The following GNG4 variants were observed in gnomAD, a reference collection of about 807,000 sequenced individuals.
GNG4 encodes the protein G protein subunit gamma 4.
GNG4 carries 4 observed loss-of-function variants against 5.8 expected under a neutral mutation model. The observed-to-expected ratio is 0.69, with a 90% confidence interval of 0.34 to 1.57. The LOEUF (loss-of-function observed/expected upper bound fraction) is 1.57, where lower values mean the gene tolerates loss of function less well. GNG4 is among the 40% of genes most tolerant of loss of function. GNG4 has a pLI of 0.06. For missense variants in GNG4, 96 were observed against 95.1 expected (o/e 1.01, Z -0.04); for synonymous variants, 29 against 32.9 (o/e 0.88, Z 0.41).
intron 3 of GNG4, among the ~76,000 whole-genome samples, chr1:235,562,339 CAAGAT>C (rs1184553305): frequency 6.6e-6 from 1 of 152,050 alleles, no homozygotes; most frequent in Non-Finnish European, 1.5e-5. Flanking sequence ...TCAATATCCA[CAAGAT>C]AAGATTTGCT....
At chr1:235,639,305 T>C (rs186376218) in intron 1 of GNG4, among the ~76,000 whole-genome samples, 176 of 152,348 alleles carry the variant, frequency 1.2e-3, no homozygotes, top group Non-Finnish European at 1.4e-3. Flanking sequence ...AAGTAGTTCA[T>C]ACAACATAAG....
intron 1 of GNG4, among the ~76,000 whole-genome samples, chr1:235,608,778 A>G (rs1571911306): frequency 6.6e-6 from 1 of 150,452 alleles, no homozygotes; most frequent in East Asian, 2.0e-4. Flanking sequence ...CCGCCTCCCG[A>G]GTTGAAGTAA....
At chr1:235,605,964 G>GA (rs1372451650) in intron 1 of GNG4, among the ~76,000 whole-genome samples, 1 of 143,526 alleles carries the variant, frequency 7.0e-6, no homozygotes, top group South Asian at 2.2e-4. Flanking sequence ...GTGGGGGGGT[G>GA]GGTCTCACTG....
intron 2 of GNG4, among the ~76,000 whole-genome samples, chr1:235,590,744 G>A (rs1424326698): frequency 6.6e-6 from 1 of 152,158 alleles, no homozygotes; most frequent in Non-Finnish European, 1.5e-5. Context: ...CTGCACACCT[G>A]GACGTCCGTA....
intron 1 of GNG4, among the ~76,000 whole-genome samples, chr1:235,646,289 C>T (rs558328239): frequency 6.6e-6 from 1 of 152,318 alleles, no homozygotes; most frequent in South Asian, 2.1e-4. Flanking sequence ...TTTTCTCTTC[C>T]ACACGTCTCT....
rs539427659 is a variant in GNG4, at chr1:235,609,226, T to C, written c.-122-13715A>G. ...CCTTTTATGGCTGAAGAGTATTCCA[T>C]GATGCAGGTGCACCACATTTAGTTT... On this transcript the variant is annotated intron_variant, in intron 1 of 3. Transcript: ENST00000391854. Among the ~76,000 whole-genome samples, 16 of 152,330 alleles carry C rather than the reference T, an allele frequency of 1.1e-4. No individual in the cohort carries two copies. The South Asian group carries it at 3.1e-3, about 30-fold the overall frequency.
At chr1:235,641,843 C>G (rs1002008630) in intron 1 of GNG4, among the ~76,000 whole-genome samples, 1 of 152,194 alleles carries the variant, frequency 6.6e-6, no homozygotes, top group African/African-American at 2.4e-5. Context: ...GTGAGCCACC[C>G]CCTTCCCCGG....
rs371387607 is a variant in GNG4 at position 235,642,227 on chromosome 1, C to G, written c.-123+7435G>C. On this transcript the variant is annotated intron_variant, in intron 1 of 3. Transcript: ENST00000391854. The surrounding 1 kb of genome is among the most constrained non-coding windows in gnomAD (Gnocchi z 4.3). ...GCAGGGGCGGGGTGAGCCTTGGCCCCGCTCCCGTGCAGGTGTCGCGGGTAA... is the reference window on the plus strand; with the variant it reads ...GCAGGGGCGGGGTGAGCCTTGGCCCGGCTCCCGTGCAGGTGTCGCGGGTAA... Among the ~76,000 whole-genome samples, 59 of 152,340 alleles carry G rather than the reference C, an allele frequency of 3.9e-4. No homozygotes were observed. In the East Asian group the frequency reaches 7.3e-3, roughly 19 times the overall value.
intron 3 of GNG4, among the ~76,000 whole-genome samples, chr1:235,570,394 C>CTTTT (rs11459490): frequency 9.2e-4 from 97 of 105,468 alleles, no homozygotes; most frequent in African/African-American, 1.3e-3. Flanking sequence ...TTCACCTCTT[C>CTTTT]TTTTTTTTTT....
intron 1 of GNG4, among the ~76,000 whole-genome samples, chr1:235,601,951 G>A (rs181326579): frequency 7.8e-4 from 119 of 152,228 alleles, no homozygotes; most frequent in African/African-American, 2.7e-3. Context: ...AAATGCAAAT[G>A]CTTGGGCCCA....
intron 1 of GNG4, among the ~76,000 whole-genome samples, chr1:235,626,830 A>G (rs1488183746): frequency 6.6e-6 from 1 of 151,876 alleles, no homozygotes; most frequent in South Asian, 2.1e-4. Context: ...GTGGTGGCAC[A>G]TGCCTGTAAT....
chr1:235,639,550 C>T (rs77372596), intron 1 of GNG4, among the ~76,000 whole-genome samples: 5 of 103,152 alleles, frequency 4.8e-5, no homozygotes, highest in Non-Finnish European at 7.2e-5. Flanking sequence ...GTGTTGTATG[C>T]TTTTTTTTTC....
chr1:235,625,706 T>A (rs1688796258), intron 1 of GNG4, among the ~76,000 whole-genome samples: 1 of 152,232 alleles, frequency 6.6e-6, no homozygotes, highest in African/African-American at 2.4e-5. Flanking sequence ...TTCAGACTGA[T>A]TTCTTTCACT....
intron 3 of GNG4, among the ~76,000 whole-genome samples, chr1:235,568,384 T>C (rs1434042903): frequency 6.6e-6 from 1 of 152,232 alleles, no homozygotes; most frequent in Admixed American, 6.5e-5. Flanking sequence ...ACCTTTTGAC[T>C]GAGCAGGCAT....
At chr1:235,602,500 T>A (rs1369716346) in intron 1 of GNG4, among the ~76,000 whole-genome samples, 2 of 152,172 alleles carry the variant, frequency 1.3e-5, no homozygotes, top group East Asian at 3.8e-4. Context: ...CCACACTCTT[T>A]AAGTCACCGT....
Position 235,648,971 on chromosome 1 carries a change from G to A in GNG4, c.-123+691C>T, listed in dbSNP as rs1657586238. 6.6e-6 allele frequency among the ~76,000 whole-genome samples: 1 copy of A among 152,118 alleles called. No individual in the cohort carries two copies. Among genetic ancestry groups the A allele is most frequent in the Non-Finnish European group, 1.5e-5 (1 of 68,020 alleles). On this transcript the variant is annotated intron_variant, in intron 1 of 3. Coordinates refer to ENST00000391854, the MANE Select transcript of GNG4 (RefSeq NM_001098722.2). This position sits in a 1 kb window ranked among gnomAD's most constrained non-coding sequence, Gnocchi z 5.0. The stretch of plus-strand genomic sequence containing the variant: ...GTCCTCCTCCCCACTTCACCCTCCC[G>A]CCGTTTCGCGTTATTTCCAAGGCAA...
intron 3 of GNG4, among the ~76,000 whole-genome samples, chr1:235,564,847 G>A (rs1015348501): frequency 2.6e-5 from 4 of 152,090 alleles, no homozygotes; most frequent in Admixed American, 2.6e-4. Context: ...CTCCACGCCC[G>A]GCTTATTTTG....
intron 1 of GNG4, among the ~76,000 whole-genome samples, chr1:235,633,317 CA>C (rs111984723): frequency 9.2e-5 from 14 of 151,886 alleles, no homozygotes; most frequent in African/African-American, 3.4e-4. Flanking sequence ...TCCCAGGAGC[CA>C]AAAAAGCCAC....
rs1657372136 is a variant in GNG4, at chr1:235,642,813, C to G, written c.-123+6849G>C. Among the ~76,000 whole-genome samples the G allele has an allele frequency of 6.6e-6, 1 of 152,158 alleles. No individual in the cohort carries two copies. The highest frequency in any genetic ancestry group is 6.5e-5 in the Admixed American group (1 of 15,280). ...CTCGCCCCTGTGGCTTCACCTGGGT[C>G]CAGCCAGACCTCTGCTCAGCTCTGC... On this transcript the variant is annotated intron_variant, in intron 1 of 3. Transcript: ENST00000391854. This position sits in a 1 kb window ranked among gnomAD's most constrained non-coding sequence, Gnocchi z 4.3.
Sources: gnomAD v4.1 joint callset for allele counts (sites outside exome capture counted in the v4.1 genomes callset) on GRCh38, gnomAD v4.1.1 for gene constraint, Gnocchi (gnomAD v3.1) non-coding constraint, MANE v1.5 for transcripts, NCBI Gene and HGNC (gene_info 2026-07-23, HGNC 2026-07-21) for gene names.